Variants in PRDM16 observed in about 807,000 individuals in gnomAD.
The protein encoded by PRDM16 is PR/SET domain 16, also known as histone-lysine N-methyltransferase PRDM16.
Under a neutral mutation model 110.6 loss-of-function variants are expected in PRDM16, and 23 were observed. The ratio of observed to expected loss-of-function variants is 0.21; its 90% confidence interval spans 0.15 to 0.29. PRDM16 has a LOEUF of 0.29. Ranked by LOEUF, PRDM16 falls within the 10% of genes least tolerant of loss-of-function variation. The pLI, the probability that PRDM16 is intolerant of heterozygous loss-of-function variation, is 1.00. For missense variants in PRDM16, 1,615 were observed against 1,794.3 expected, an observed-to-expected ratio of 0.90 and a Z score of 1.81; for synonymous variants, 799 against 781.8, an observed-to-expected ratio of 1.02 and a Z score of -0.37.
intron 2 of PRDM16, among the ~76,000 whole-genome samples, chr1:3,211,825 G>A (rs1021653135): frequency 1.3e-5 from 2 of 152,254 alleles, no homozygotes; most frequent in South Asian, 2.1e-4. Flanking sequence ...GTGCATGCGT[G>A]TGCGTGCGCG....
At chr1:3,283,842 C>A (rs888741868) in intron 3 of PRDM16, among the ~76,000 whole-genome samples, 1 of 152,258 alleles carries the variant, frequency 6.6e-6, no homozygotes, top group Non-Finnish European at 1.5e-5. Context: ...ACACAGCCTC[C>A]CCGACCAACA....
chr1:3,433,713 C>T lies in PRDM16; in HGVS notation c.3733C>T (p.Pro1245Ser), dbSNP rs761238816. 2.5e-6 allele frequency: 4 copies of T among 1,613,906 alleles called. No homozygotes were observed. The African/African-American group carries it at 5.3e-5, about 22-fold the overall frequency. ...AMMLSLSEDTPLHTPSQGSLD... is the reference protein window; with the variant it reads ...AMMLSLSEDTSLHTPSQGSLD... ...GATGCTGTCCCTTTCCGAAGACACT[C>T]CTCTCCACACCCCCTCCCAGGGTTC... Residue 1245 changes from proline to serine, a missense_variant, in exon 17 of 17, where the codon CCT (proline) becomes TCT (serine). This residue lies in a region of PRDM16 where 327 missense variants were observed against 359.3 expected (regional missense o/e 0.91). Coordinates refer to ENST00000270722, the MANE Select transcript of PRDM16 (RefSeq NM_022114.4).
chr1:3,104,590 C>T (rs923104962), intron 1 of PRDM16, among the ~76,000 whole-genome samples: 1 of 114,436 alleles, frequency 8.7e-6, no homozygotes, highest in East Asian at 3.8e-4. Context: ...TGGCTGGCCC[C>T]GCCTACACAT....
At chr1:3,397,508 G>T (rs1643403462) in intron 5 of PRDM16, among the ~76,000 whole-genome samples, 1 of 152,272 alleles carries the variant, frequency 6.6e-6, no homozygotes, top group Admixed American at 6.5e-5. Flanking sequence ...GGCCAGGAAA[G>T]GCTCTGTGGG....
In PRDM16 at chr1:3,290,592, G is replaced by C. The variant is rs1256105163; in HGVS notation, c.438+46455G>C. Among the ~76,000 whole-genome samples the C allele has an allele frequency of 6.6e-6, 1 of 152,204 alleles. No individual in the cohort carries two copies. The highest frequency in any genetic ancestry group is 1.5e-5 in the Non-Finnish European group (1 of 68,038). On this transcript the variant is annotated intron_variant, in intron 3 of 16. Coordinates refer to ENST00000270722, the MANE Select transcript of PRDM16 (RefSeq NM_022114.4). This position sits in a 1 kb window ranked among gnomAD's most constrained non-coding sequence, Gnocchi z 4.8. ...GTGGCATCACTGAAGAAGCCCCGTG[G>C]CTCCGGCTCCGTCTGCAGGATCCCT... is the stretch of plus-strand genomic sequence containing the variant.
intron 2 of PRDM16, among the ~76,000 whole-genome samples, chr1:3,187,869 C>A (rs770745953): frequency 2.0e-5 from 3 of 152,266 alleles, no homozygotes; most frequent in South Asian, 2.1e-4. Context: ...AAGAAACGTG[C>A]GGCAGAGTCT....
chr1:3,124,888 A>C (rs1643172451), intron 1 of PRDM16, among the ~76,000 whole-genome samples: 1 of 150,712 alleles, frequency 6.6e-6, no homozygotes, highest in African/African-American at 2.5e-5. Context: ...CCCTGTGGGA[A>C]GTAGGCTGGA....
chr1:3,079,883 G>A (rs1021840955), intron 1 of PRDM16, among the ~76,000 whole-genome samples: 2 of 152,198 alleles, frequency 1.3e-5, no homozygotes, highest in Admixed American at 6.5e-5. Context: ...CAGCAACATC[G>A]CACACTTCCC....
chr1:3,391,575 G>A (rs1365414010), intron 4 of PRDM16, among the ~76,000 whole-genome samples: 2 of 152,218 alleles, frequency 1.3e-5, no homozygotes, highest in South Asian at 4.1e-4. Context: ...AGTGTGCACA[G>A]AGTTTTATTT....
intron 1 of PRDM16, among the ~76,000 whole-genome samples, chr1:3,113,117 C>A (rs1642833156): frequency 6.6e-6 from 1 of 152,234 alleles, no homozygotes. Flanking sequence ...GGGCTGTGGC[C>A]TGTGTGGCTC....
intron 1 of PRDM16, among the ~76,000 whole-genome samples, chr1:3,115,337 A>G (rs560271488): frequency 8.5e-5 from 13 of 152,332 alleles, no homozygotes; most frequent in African/African-American, 2.9e-4. Context: ...GCCCGTCAGA[A>G]AGGGAGTGCA....
chr1:3,395,807 G>A (rs1643377043), intron 4 of PRDM16, among the ~76,000 whole-genome samples: 1 of 152,232 alleles, frequency 6.6e-6, no homozygotes, highest in Non-Finnish European at 1.5e-5. Flanking sequence ...TCAGTGAGCA[G>A]AGTTCCAAAT....
intron 2 of PRDM16, among the ~76,000 whole-genome samples, chr1:3,239,709 G>A (rs1033470457): frequency 2.6e-5 from 4 of 152,210 alleles, no homozygotes; most frequent in African/African-American, 9.7e-5. Flanking sequence ...AGCACTTTGG[G>A]AGGCCAAGGC....
chr1:3,128,932 TG>T (rs1307883805), intron 1 of PRDM16, among the ~76,000 whole-genome samples: 2 of 152,118 alleles, frequency 1.3e-5, no homozygotes, highest in Non-Finnish European at 2.9e-5. Context: ...CCGGCAGCCT[TG>T]GTTTCTTCAT....
chr1:3,418,593 A>G, intron 11 of PRDM16, 74 bp from the exon 12 acceptor site: 1 of 1,042,008 alleles, frequency 9.6e-7, no homozygotes, highest in Non-Finnish European at 1.5e-6. Flanking sequence ...CATTAGCTTG[A>G]AACCATTTCT....
rs968447681 is a variant in PRDM16, at chr1:3,382,788, C to T, written c.439-2364C>T. Among the ~76,000 whole-genome samples, 3 of 152,204 alleles carry T rather than the reference C, an allele frequency of 2.0e-5. No individual in the cohort carries two copies. The highest frequency in any genetic ancestry group is 2.1e-4 in the South Asian group (1 of 4,832). On this transcript the variant is annotated intron_variant, in intron 3 of 16. Transcript: ENST00000270722. The surrounding 1 kb of genome is among the most constrained non-coding windows in gnomAD (Gnocchi z 6.6). Reference sequence around the variant, plus strand: ...AATCCGGGTCCCAGGTGGGAGGGCACGGCCCGCCCTGGGTGAGCACCAGCC... The same window carrying T: ...AATCCGGGTCCCAGGTGGGAGGGCATGGCCCGCCCTGGGTGAGCACCAGCC...
Position 3,236,049 on chromosome 1 carries a change from G to A in PRDM16, c.388-8038G>A, listed in dbSNP as rs1468778992. ...TCTCCTCTCTGGAAAGGGATAGCAT[G>A]GCGGGGGCAGTATCCAGAGAGCAGG... On this transcript the variant is annotated intron_variant, in intron 2 of 16. Transcript: ENST00000270722. Among the ~76,000 whole-genome samples the A allele has an allele frequency of 2.6e-5, 4 of 152,316 alleles. No homozygotes were observed. The East Asian group carries it at 7.7e-4, about 29-fold the overall frequency.
At chr1:3,428,845 C>T (rs1490134518) in intron 14 of PRDM16, among the ~76,000 whole-genome samples, 1 of 152,252 alleles carries the variant, frequency 6.6e-6, no homozygotes, top group Non-Finnish European at 1.5e-5. Flanking sequence ...TAAGCAGAGG[C>T]CACACTGGGT....
In PRDM16 at chr1:3,125,375, G is replaced by A. The variant is rs374587745; in HGVS notation, c.37+56079G>A. On this transcript the variant is annotated intron_variant, in intron 1 of 16. Transcript: ENST00000270722. ...GAGGACGGTCCTCCTGTCCTTTCTG[G>A]AAGTGGGCCTCTGTTCAGCCCAGGT... Among the ~76,000 whole-genome samples, 5 of 152,226 alleles carry A rather than the reference G, an allele frequency of 3.3e-5. No individual in the cohort carries two copies. The East Asian group carries it at 9.7e-4, about 29-fold the overall frequency.
Sources: allele counts gnomAD v4.1 joint callset (sites outside exome capture counted in the v4.1 genomes callset), GRCh38; gene constraint gnomAD v4.1.1; regional missense constraint gnomAD v4.1.1; non-coding constraint Gnocchi (gnomAD v3.1); transcripts MANE v1.5; gene names NCBI Gene and HGNC (gene_info 2026-07-23, HGNC 2026-07-21).